GSK3B: variants seen among roughly 807,000 people sequenced by gnomAD.
The protein encoded by GSK3B is glycogen synthase kinase-3 beta.
GSK3B carries 15 observed loss-of-function variants against 56.4 expected under a neutral mutation model. The ratio of observed to expected loss-of-function variants is 0.27; its 90% confidence interval spans 0.18 to 0.41. GSK3B has a LOEUF of 0.41. Ranked by LOEUF, GSK3B falls within the 10% of genes least tolerant of loss-of-function variation. The probability of loss-of-function intolerance (pLI) is 1.00; values close to 1 mark genes in which losing one functional copy is unlikely to be tolerated. For synonymous variants in GSK3B, 181 were observed against 188.9 expected (o/e 0.96, Z 0.34); for missense variants, 300 against 513.4 (o/e 0.58, Z 4.02).
intron 9 of GSK3B, among the ~76,000 whole-genome samples, chr3:119,852,318 G>T (rs1241328326): frequency 6.6e-6 from 1 of 151,906 alleles, no homozygotes; most frequent in Non-Finnish European, 1.5e-5. Context: ...TAAAGTTCTA[G>T]TGATGTACTT....
intron 1 of GSK3B, among the ~76,000 whole-genome samples, chr3:120,048,629 T>TA (rs1163025004): frequency 1.3e-5 from 2 of 152,174 alleles, no homozygotes; most frequent in African/African-American, 4.8e-5. Flanking sequence ...AGTTGGCACA[T>TA]AAAAAATGCA....
At chr3:119,915,973 A>C (rs1358872579) in intron 5 of GSK3B, 71 bp downstream of exon 5, 1 of 1,040,454 alleles carries the variant, frequency 9.6e-7, no homozygotes, top group Non-Finnish European at 1.4e-6. Context: ...TGCAAAAGGA[A>C]TATATTTAAA....
chr3:119,859,001 A>C (rs1375234236), intron 9 of GSK3B, among the ~76,000 whole-genome samples: 3 of 152,132 alleles, frequency 2.0e-5, no homozygotes, highest in Non-Finnish European at 4.4e-5. Flanking sequence ...TACTGATCAC[A>C]GATCACCATA....
chr3:120,033,805 T>C (rs953083335), intron 1 of GSK3B, among the ~76,000 whole-genome samples: 3 of 152,138 alleles, frequency 2.0e-5, no homozygotes, highest in African/African-American at 7.2e-5. Flanking sequence ...CTCTCTCTCC[T>C]GCTCCACCAC....
At chr3:119,978,828 G>C (rs2057433910) in intron 2 of GSK3B, among the ~76,000 whole-genome samples, 1 of 152,220 alleles carries the variant, frequency 6.6e-6, no homozygotes, top group Non-Finnish European at 1.5e-5. Context: ...AGTCAGGTCA[G>C]CCATCCCGGT....
chr3:120,046,783 G>A (rs999848605), intron 1 of GSK3B, among the ~76,000 whole-genome samples: 1 of 151,836 alleles, frequency 6.6e-6, no homozygotes, highest in African/African-American at 2.4e-5. Context: ...TAATTTTTTT[G>A]TATATTTAGT....
At chr3:120,048,112 C>T (rs1275416147) in intron 1 of GSK3B, among the ~76,000 whole-genome samples, 1 of 152,026 alleles carries the variant, frequency 6.6e-6, no homozygotes, top group Non-Finnish European at 1.5e-5. Flanking sequence ...ACCGTTAAAG[C>T]CAATCATTTA....
intron 1 of GSK3B, among the ~76,000 whole-genome samples, chr3:120,040,181 G>T (rs1389540009): frequency 6.6e-6 from 1 of 152,250 alleles, no homozygotes; most frequent in Non-Finnish European, 1.5e-5. Context: ...TTAAAAGTGT[G>T]TAAATGATCA....
intron 8 of GSK3B, chr3:119,866,698 GA>G: frequency 1.1e-6 from 1 of 934,660 alleles, no homozygotes; most frequent in Non-Finnish European, 1.7e-6. Context: ...GTCCAGCAAG[GA>G]AAAATATATC....
chr3:120,032,995 C>A lies in GSK3B; in HGVS notation c.89-30756G>T, dbSNP rs545651434. Among the ~76,000 whole-genome samples the A allele has an allele frequency of 6.6e-5, 10 of 152,326 alleles. No individual in the cohort carries two copies. The South Asian group carries it at 2.1e-3, about 32-fold the overall frequency. On this transcript the variant is annotated intron_variant, in intron 1 of 10. Transcript: ENST00000264235. ...TACCCCAAAAAGAAACACTGTACCT[C>A]TTAGGTGTCATCCCCCAATCCTTCC...
Position 119,876,397 on chromosome 3 carries a change from A to C in GSK3B, c.909+16T>G. Reference sequence around the variant, plus strand: ...TTAACTACTGATTAATATACTTAAAAAAAAATCTAACTCACCTTAGTCCAA... The same window carrying C: ...TTAACTACTGATTAATATACTTAAACAAAAATCTAACTCACCTTAGTCCAA... On this transcript the variant is annotated intron_variant, in intron 8 of 10. Coordinates refer to ENST00000264235, the MANE Select transcript of GSK3B (RefSeq NM_001146156.2). 1 of 1,416,368 alleles carries C rather than the reference A, an allele frequency of 7.1e-7. No homozygotes were observed. Among genetic ancestry groups the C allele is most frequent in the Non-Finnish European group, 1.0e-6 (1 of 1,002,546 alleles). 87.7% of individuals were successfully genotyped at this position (1,416,368 alleles called of 1,614,324 possible). A position where few individuals can be genotyped will look rare whatever the true frequency, so the allele number is the denominator to read the frequency against.
chr3:119,830,051 CAG>C (rs1359800490), intron 10 of GSK3B, among the ~76,000 whole-genome samples: 2 of 152,098 alleles, frequency 1.3e-5, no homozygotes, highest in Non-Finnish European at 2.9e-5. Context: ...AGACAAAGTA[CAG>C]AGAGGGAAAA....
intron 9 of GSK3B, among the ~76,000 whole-genome samples, chr3:119,862,918 G>T (rs2056127846): frequency 6.6e-6 from 1 of 152,030 alleles, no homozygotes; most frequent in Non-Finnish European, 1.5e-5. Context: ...GTCTCAGAGG[G>T]GATGGAAATT....
chr3:120,029,367 C>T, intron 1 of GSK3B: 2 of 762,136 alleles, frequency 2.6e-6, no homozygotes, highest in South Asian at 1.4e-5. Flanking sequence ...TCCAATGTTG[C>T]TGTCAACATT....
At position 119,824,103 on chromosome 3, in the gene GSK3B, T is replaced by C. The variant is rs1353870475; in HGVS notation, c.*2685A>G. 4.9e-6 allele frequency: 1 copy of C among 202,038 alleles called. No homozygotes were observed. Among genetic ancestry groups the C allele is most frequent in the African/African-American group, 2.3e-5 (1 of 43,656 alleles). 12.5% of individuals were successfully genotyped at this position (202,038 alleles called of 1,614,324 possible). ...CAGAATCACTGCCCTGAACAGTAACTTTTTGCTCATTAATAACAGTTCCTG... is the reference window on the plus strand; with the variant it reads ...CAGAATCACTGCCCTGAACAGTAACCTTTTGCTCATTAATAACAGTTCCTG... On this transcript the variant is annotated 3_prime_UTR_variant, in exon 11 of 11. Transcript: ENST00000264235.
intron 9 of GSK3B, 101 bp downstream of exon 9, chr3:119,863,318 T>C: frequency 1.1e-6 from 1 of 900,464 alleles, no homozygotes; most frequent in Non-Finnish European, 1.8e-6. Context: ...ACTTAATATG[T>C]CCGTTTTTGT....
chr3:119,946,569 AAAAG>A (rs980057544), intron 3 of GSK3B, among the ~76,000 whole-genome samples: 16 of 152,316 alleles, frequency 1.1e-4, no homozygotes, highest in African/African-American at 3.8e-4. Context: ...CAAACCAGTG[AAAAG>A]AAAGAAAGGA....
intron 10 of GSK3B, among the ~76,000 whole-genome samples, chr3:119,837,824 T>C (rs1453588725): frequency 1.3e-5 from 2 of 149,644 alleles, no homozygotes; most frequent in African/African-American, 4.9e-5. Context: ...CTAAATGGAG[T>C]GAATGAGATG....
intron 2 of GSK3B, among the ~76,000 whole-genome samples, chr3:119,999,419 T>G (rs1311578335): frequency 6.6e-6 from 1 of 152,208 alleles, no homozygotes; most frequent in Non-Finnish European, 1.5e-5. Flanking sequence ...AAAATTTCTT[T>G]GTACTTAGGT....
Sources: gnomAD v4.1 joint callset for allele counts (sites outside exome capture counted in the v4.1 genomes callset) on GRCh38, gnomAD v4.1.1 for gene constraint, MANE v1.5 for transcripts, NCBI Gene and HGNC (gene_info 2026-07-23, HGNC 2026-07-21) for gene names.